DPYS: variants seen among roughly 807,000 people sequenced by gnomAD.
DPYS encodes the protein dihydropyrimidinase, also known as dihydropyrimidine amidohydrolase.
DPYS carries 39 observed loss-of-function variants against 50.3 expected under a neutral mutation model. The ratio of observed to expected loss-of-function variants is 0.78; its 90% CI spans 0.60 to 1.01. DPYS has a LOEUF of 1.01. Ranked by LOEUF, DPYS falls within the 50% of genes least tolerant of loss-of-function variation. The pLI, the probability that DPYS is intolerant of heterozygous loss-of-function variation, is 0.00. For missense variants in DPYS, 659 were observed against 680.9 expected (o/e 0.97, Z 0.36); for synonymous variants, 245 against 250.7 (o/e 0.98, Z 0.22).
At chr8:104,396,818 C>A in intron 7 of DPYS, among the ~76,000 whole-genome samples, 1 of 106,668 alleles carries the variant, frequency 9.4e-6, no homozygotes, top group Non-Finnish European at 2.2e-5. Flanking sequence ...ATTTCTTTGC[C>A]TCATACCAAA....
intron 7 of DPYS, among the ~76,000 whole-genome samples, chr8:104,414,529 T>C (rs952964324): frequency 6.6e-6 from 1 of 152,074 alleles, no homozygotes; most frequent in Non-Finnish European, 1.5e-5. Context: ...CAACTTAAGT[T>C]TTTTGGTGTT....
rs574873161 is a variant in DPYS at position 104,449,457 on chromosome 8, G to A, written c.423+1789C>T. 4.5e-4 allele frequency among the ~76,000 whole-genome samples: 68 copies of A among 152,264 alleles called. No individual in the cohort carries two copies. The South Asian group carries it at 0.013, about 28-fold the overall frequency. On this transcript the variant is annotated intron_variant, in intron 2 of 9. Coordinates refer to ENST00000351513, the MANE Select transcript of DPYS (RefSeq NM_001385.3). ...TGGCAACTGAACCAGCATCAGCAGC[G>A]TCACCTGGTTGCTTGCTAGAAATGC...
At chr8:104,403,356 C>A (rs1298340057) in intron 7 of DPYS, among the ~76,000 whole-genome samples, 1 of 152,160 alleles carries the variant, frequency 6.6e-6, no homozygotes, top group Non-Finnish European at 1.5e-5. Context: ...CACTGCATGG[C>A]CCAAGATTCC....
intron 7 of DPYS, among the ~76,000 whole-genome samples, chr8:104,399,524 A>G (rs1304530090): frequency 1.3e-5 from 2 of 151,992 alleles, no homozygotes; most frequent in East Asian, 1.9e-4. Context: ...TGGCCCCTTG[A>G]CATCCATTCT....
At chr8:104,415,192 G>T (rs13276697) in intron 7 of DPYS, among the ~76,000 whole-genome samples, 2,166 of 152,292 alleles carry the variant, frequency 0.014, 19 homozygotes, top group Middle Eastern at 0.054. Flanking sequence ...ACAAGCAAAT[G>T]TCAAAGATAT....
chr8:104,412,132 A>G (rs1354819991), intron 7 of DPYS, among the ~76,000 whole-genome samples: 1 of 152,198 alleles, frequency 6.6e-6, no homozygotes, highest in Non-Finnish European at 1.5e-5. Flanking sequence ...TTAGAAGTCA[A>G]CTGACTGCTG....
intron 1 of DPYS, among the ~76,000 whole-genome samples, chr8:104,464,039 G>C (rs539188639): frequency 6.0e-4 from 91 of 152,284 alleles, no homozygotes; most frequent in African/African-American, 2.2e-3. Flanking sequence ...TGTAAGTACT[G>C]TTTAATATTC....
intron 8 of DPYS, among the ~76,000 whole-genome samples, chr8:104,391,356 C>A (rs533083730): frequency 6.6e-6 from 1 of 152,264 alleles, no homozygotes; most frequent in African/African-American, 2.4e-5. Context: ...CCAAGGGTGG[C>A]AAACACTACC....
intron 9 of DPYS, among the ~76,000 whole-genome samples, chr8:104,380,106 T>C (rs1352802290): frequency 1.3e-5 from 2 of 152,202 alleles, no homozygotes; most frequent in South Asian, 2.1e-4. Flanking sequence ...TTGGGCTAGA[T>C]AGTCCTGTTA....
intron 7 of DPYS, among the ~76,000 whole-genome samples, chr8:104,400,340 C>A (rs1045998206): frequency 1.6e-4 from 24 of 152,204 alleles, no homozygotes; most frequent in African/African-American, 5.3e-4. Context: ...CCAAGAAGAT[C>A]TTTTCAACTA....
chr8:104,458,125 A>T (rs909535188), intron 1 of DPYS, among the ~76,000 whole-genome samples: 1 of 152,222 alleles, frequency 6.6e-6, no homozygotes, highest in African/African-American at 2.4e-5. Flanking sequence ...TTCAGTCCCC[A>T]GAAAATCCTC....
At chr8:104,458,347 C>G (rs959138365) in intron 1 of DPYS, among the ~76,000 whole-genome samples, 1 of 152,302 alleles carries the variant, frequency 6.6e-6, no homozygotes, top group Non-Finnish European at 1.5e-5. Flanking sequence ...AACTCATTCA[C>G]TCCACTCCAC....
intron 4 of DPYS, among the ~76,000 whole-genome samples, chr8:104,441,600 G>C (rs1057157112): frequency 6.6e-6 from 1 of 152,192 alleles, no homozygotes; most frequent in Non-Finnish European, 1.5e-5. Context: ...GAAGATGGAG[G>C]AAGGGGCCAC....
intron 2 of DPYS, among the ~76,000 whole-genome samples, chr8:104,448,172 T>C (rs80011542): frequency 6.6e-6 from 1 of 151,752 alleles, no homozygotes; most frequent in Non-Finnish European, 1.5e-5. Flanking sequence ...TTTTTTTTTT[T>C]TGAGACAGAG....
intron 7 of DPYS, 57 bp from the exon 8 acceptor site, chr8:104,393,048 T>C: frequency 1.3e-6 from 2 of 1,498,258 alleles, no homozygotes; most frequent in South Asian, 1.2e-5. Flanking sequence ...ACTTGATAAA[T>C]ATAAAATATT....
intron 1 of DPYS, among the ~76,000 whole-genome samples, chr8:104,465,389 T>C (rs917355615): frequency 1.1e-4 from 17 of 152,128 alleles, no homozygotes; most frequent in African/African-American, 3.9e-4. Flanking sequence ...CACATCAAGG[T>C]ATGGTCCAAG....
chr8:104,459,637 GTTTT>G (rs1002810142), intron 1 of DPYS, among the ~76,000 whole-genome samples: 2 of 152,240 alleles, frequency 1.3e-5, no homozygotes, highest in Admixed American at 6.5e-5. Context: ...GAGAATAGGT[GTTTT>G]TTTGTTTGTT....
chr8:104,387,122 C>T (rs189284975), intron 8 of DPYS, among the ~76,000 whole-genome samples: 6 of 152,218 alleles, frequency 3.9e-5, no homozygotes, highest in African/African-American at 9.6e-5. Flanking sequence ...ATGAAATCCA[C>T]GCCTGGCCTG....
chr8:104,465,850 C>T (rs974805343), intron 1 of DPYS, among the ~76,000 whole-genome samples: 2 of 152,132 alleles, frequency 1.3e-5, no homozygotes, highest in South Asian at 2.1e-4. Flanking sequence ...CCCAAGCCTA[C>T]CTTCACCTGG....
Sources: gnomAD v4.1 joint callset for allele counts (sites outside exome capture counted in the v4.1 genomes callset) on GRCh38, gnomAD v4.1.1 for gene constraint, MANE v1.5 for transcripts, NCBI Gene and HGNC (gene_info 2026-07-23, HGNC 2026-07-21) for gene names.